CYP19A1: variants seen among roughly 807,000 people sequenced by gnomAD.
CYP19A1 encodes aromatase.
CYP19A1 carries 32 observed loss-of-function variants against 44.4 expected under a neutral mutation model. The observed-to-expected ratio is 0.72, with a 90% CI of 0.54 to 0.97. The LOEUF is 0.97. CYP19A1 is among the 50% of genes least tolerant of loss of function. The probability of loss-of-function intolerance (pLI) is 0.00; values close to 1 mark genes in which losing one functional copy is unlikely to be tolerated. For missense variants in CYP19A1, 598 were observed against 637.8 expected (o/e 0.94, Z 0.67); for synonymous variants, 212 against 215.6 (o/e 0.98, Z 0.14).
chr15:51,215,289 G>A (rs2031460092), intron 7 of CYP19A1, 57 bp from the exon 8 acceptor site: 2 of 1,612,042 alleles, frequency 1.2e-6, no homozygotes, highest in East Asian at 4.5e-5. Flanking sequence ...TTCAAAAAAT[G>A]AGGGGAGGTG....
At chr15:51,332,433 T>G (rs1265604125) in intron 1 of CYP19A1, among the ~76,000 whole-genome samples, 1 of 152,242 alleles carries the variant, frequency 6.6e-6, no homozygotes, top group Non-Finnish European at 1.5e-5. Flanking sequence ...CAGGCTATTG[T>G]TAACATTTCC....
intron 1 of CYP19A1, among the ~76,000 whole-genome samples, chr15:51,296,124 G>A (rs905153089): frequency 6.6e-6 from 1 of 151,968 alleles, no homozygotes; most frequent in African/African-American, 2.4e-5. Flanking sequence ...GAGCCAGCAT[G>A]AAGGGGAATA....
chr15:51,300,015 A>G (rs1413900645), intron 1 of CYP19A1, among the ~76,000 whole-genome samples: 1 of 152,250 alleles, frequency 6.6e-6, no homozygotes, highest in Non-Finnish European at 1.5e-5. Flanking sequence ...GAGAATGCAC[A>G]GCCAATCTGA....
intron 1 of CYP19A1, among the ~76,000 whole-genome samples, chr15:51,317,990 T>C (rs1272672928): frequency 6.6e-6 from 1 of 152,090 alleles, no homozygotes; most frequent in Admixed American, 6.5e-5. Flanking sequence ...CCCACCCCCA[T>C]CACACCCCAA....
chr15:51,232,660 C>T (rs569456143), intron 3 of CYP19A1, among the ~76,000 whole-genome samples: 4 of 152,284 alleles, frequency 2.6e-5, no homozygotes, highest in African/African-American at 9.6e-5. Context: ...TCACACCCTA[C>T]ATCCAATCTG....
intron 1 of CYP19A1, among the ~76,000 whole-genome samples, chr15:51,334,851 C>T (rs1424203226): frequency 1.3e-5 from 2 of 152,164 alleles, no homozygotes; most frequent in Non-Finnish European, 2.9e-5. Context: ...CCACCTGGCC[C>T]CAGGTCATAC....
intron 1 of CYP19A1, among the ~76,000 whole-genome samples, chr15:51,336,909 C>CTT (rs1555400671): frequency 5.3e-5 from 2 of 37,670 alleles, no homozygotes; most frequent in African/African-American, 3.1e-4. Flanking sequence ...AGATTGATAG[C>CTT]TTTTTTTTTT....
rs188245277 is a variant in CYP19A1 at position 51,282,801 on chromosome 15, G to A, written c.-38-39851C>T. 1.3e-4 allele frequency among the ~76,000 whole-genome samples: 20 copies of A among 152,346 alleles called. No individual in the cohort carries two copies. The East Asian group carries it at 3.9e-3, about 29-fold the overall frequency. Reference sequence around the variant, plus strand: ...CCCAAGGATGACTAAAGGAAGCTTGGTGGGAAAGCTGAGGGCTCGGAAGAA... The same window carrying A: ...CCCAAGGATGACTAAAGGAAGCTTGATGGGAAAGCTGAGGGCTCGGAAGAA... On this transcript the variant is annotated intron_variant, in intron 1 of 9. Transcript: ENST00000396402.
intron 3 of CYP19A1, among the ~76,000 whole-genome samples, chr15:51,231,263 A>G (rs536123217): frequency 1.3e-5 from 2 of 152,340 alleles, no homozygotes; most frequent in East Asian, 3.9e-4. Flanking sequence ...CAGAGAATAG[A>G]TGAATATAGT....
intron 1 of CYP19A1, among the ~76,000 whole-genome samples, chr15:51,310,241 AG>A (rs2036287844): frequency 6.6e-6 from 1 of 152,206 alleles, no homozygotes; most frequent in Non-Finnish European, 1.5e-5. Flanking sequence ...CAATTAACTG[AG>A]GTCTCTGAAA....
chr15:51,254,026 T>C (rs1249186041), intron 1 of CYP19A1, among the ~76,000 whole-genome samples: 1 of 152,160 alleles, frequency 6.6e-6, no homozygotes, highest in Non-Finnish European at 1.5e-5. Context: ...CAATAATATC[T>C]ATTGTGGAAA....
chr15:51,304,521 C>G (rs541844893), intron 1 of CYP19A1, among the ~76,000 whole-genome samples: 2 of 152,182 alleles, frequency 1.3e-5, no homozygotes, highest in African/African-American at 4.8e-5. Context: ...TCAAGTTAAC[C>G]ATGGTTTTCA....
intron 1 of CYP19A1, among the ~76,000 whole-genome samples, chr15:51,308,862 A>G (rs2036260570): frequency 6.6e-6 from 1 of 152,000 alleles, no homozygotes; most frequent in South Asian, 2.1e-4. Context: ...TGGTAAAATA[A>G]CTCATGCACA....
At position 51,266,971 on chromosome 15, in the gene CYP19A1, T is replaced by C. The variant is rs1174017019; in HGVS notation, c.-38-24021A>G. On this transcript the variant is annotated intron_variant, in intron 1 of 9. Transcript: ENST00000396402. ...ACCAAATTGAGACCCTCAGCCTTAT[T>C]CCACACTGGAGAGGAAGTCAAAGAA... Among the ~76,000 whole-genome samples the C allele has an allele frequency of 2.6e-5, 4 of 152,156 alleles. No individual in the cohort carries two copies. The East Asian group carries it at 7.7e-4, about 29-fold the overall frequency.
intron 1 of CYP19A1, among the ~76,000 whole-genome samples, chr15:51,278,749 C>T (rs1303308658): frequency 6.6e-6 from 1 of 152,106 alleles, no homozygotes; most frequent in African/African-American, 2.4e-5. Context: ...CTCTCCTGTA[C>T]TGAGATATGG....
At chr15:51,294,639 C>T (rs1335103753) in intron 1 of CYP19A1, among the ~76,000 whole-genome samples, 13 of 134,018 alleles carry the variant, frequency 9.7e-5, no homozygotes, top group Non-Finnish European at 1.8e-4. Flanking sequence ...GTGGGGGGGT[C>T]AGCCCCCCGC....
intron 1 of CYP19A1, among the ~76,000 whole-genome samples, chr15:51,295,402 G>A (rs1171341482): frequency 6.6e-6 from 1 of 152,154 alleles, no homozygotes; most frequent in Non-Finnish European, 1.5e-5. Context: ...GGCCCAGCCT[G>A]TCATTCCTCT....
In CYP19A1 at chr15:51,211,057, C is replaced by T; in HGVS notation, c.1264-1G>A. 6.3e-7 allele frequency: 1 copy of T among 1,576,660 alleles called. No homozygotes were observed. The highest frequency in any genetic ancestry group is 1.1e-5 in the South Asian group (1 of 90,284). ...ATGGCTGAAAGTACCTATAAGGAAC[C>T]TATGAAAATGATCAGACAGTTAGCC... On this transcript the variant is annotated splice_acceptor_variant, in intron 9 of 9. Transcript: ENST00000396402. LOFTEE classifies it high-confidence loss of function.
At chr15:51,271,338 A>G (rs1779699411) in intron 1 of CYP19A1, among the ~76,000 whole-genome samples, 1 of 152,122 alleles carries the variant, frequency 6.6e-6, no homozygotes, top group Non-Finnish European at 1.5e-5. Context: ...AGTTAACCCT[A>G]ATGTACCCAT....
Sources: allele counts gnomAD v4.1 joint callset (sites outside exome capture counted in the v4.1 genomes callset), GRCh38; gene constraint gnomAD v4.1.1; transcripts MANE v1.5; gene names NCBI Gene and HGNC (gene_info 2026-07-23, HGNC 2026-07-21).